SRGAP1: variants seen among roughly 807,000 people sequenced by gnomAD.
SRGAP1 encodes SLIT-ROBO Rho GTPase-activating protein 1.
Under a neutral mutation model 121.9 loss-of-function variants are expected in SRGAP1, and 43 were observed. The ratio of observed to expected loss-of-function variants is 0.35; its 90% CI spans 0.28 to 0.46. The LOEUF (loss-of-function observed/expected upper bound fraction) is 0.46, where lower values mean the gene tolerates loss of function less well. SRGAP1 is among the 20% of genes least tolerant of loss of function. The pLI is 1.00. For synonymous variants in SRGAP1, 447 were observed against 485.4 expected, an observed-to-expected ratio of 0.92 and a Z score of 1.04; for missense variants, 1,102 against 1,350.9, an observed-to-expected ratio of 0.82 and a Z score of 2.89.
At chr12:63,846,497 G>T (rs1898906641) in intron 1 of SRGAP1, among the ~76,000 whole-genome samples, 1 of 152,142 alleles carries the variant, frequency 6.6e-6, no homozygotes, top group Non-Finnish European at 1.5e-5. Context: ...TTGCTGTAAG[G>T]TCACTTGCCA....
chr12:63,955,608 A>G (rs2032440335), intron 1 of SRGAP1, among the ~76,000 whole-genome samples: 1 of 152,158 alleles, frequency 6.6e-6, no homozygotes, highest in African/African-American at 2.4e-5. Context: ...AACTGATAGA[A>G]AAGGAGTTAA....
intron 1 of SRGAP1, among the ~76,000 whole-genome samples, chr12:63,912,291 A>G (rs1177573276): frequency 6.6e-6 from 1 of 152,112 alleles, no homozygotes; most frequent in Non-Finnish European, 1.5e-5. Flanking sequence ...AGGGTAATTT[A>G]TTCAATGTCA....
rs1308156135 is a variant in SRGAP1, at chr12:64,153,584, C to T, written c.*10912C>T. ...ATCTATATTTTTAGAAGATGACCCTCAAAACCACAATGAGATATCACCTCA... is the reference window on the plus strand; with the variant it reads ...ATCTATATTTTTAGAAGATGACCCTTAAAACCACAATGAGATATCACCTCA... On this transcript the variant is annotated 3_prime_UTR_variant, in exon 22 of 22. Transcript: ENST00000355086. 1 of 152,024 alleles carries T rather than the reference C, an allele frequency of 6.6e-6. No homozygotes were observed. The highest frequency in any genetic ancestry group is 1.5e-5 in the Non-Finnish European group (1 of 68,026). The allele number at this position is 152,024 out of a possible 1,614,324, so 9.4% of individuals were successfully genotyped here. A position where few individuals can be genotyped will look rare whatever the true frequency, so the allele number is the denominator to read the frequency against.
chr12:64,022,948 A>G (rs2034580448), intron 4 of SRGAP1, among the ~76,000 whole-genome samples: 1 of 152,116 alleles, frequency 6.6e-6, no homozygotes, highest in South Asian at 2.1e-4. Flanking sequence ...GGTAAGAGGA[A>G]AAGTACAGCT....
intron 1 of SRGAP1, among the ~76,000 whole-genome samples, chr12:63,900,835 T>G (rs1184741934): frequency 6.6e-6 from 1 of 151,938 alleles, no homozygotes; most frequent in Non-Finnish European, 1.5e-5. Flanking sequence ...AACAAAGAAA[T>G]TATTGTTTAG....
At chr12:64,029,941 A>G (rs1565647615) in intron 4 of SRGAP1, among the ~76,000 whole-genome samples, 1 of 151,748 alleles carries the variant, frequency 6.6e-6, no homozygotes, top group Non-Finnish European at 1.5e-5. Context: ...AAATAAATAA[A>G]CAAAGCATTA....
At chr12:63,883,354 A>G (rs1381761583) in intron 1 of SRGAP1, among the ~76,000 whole-genome samples, 1 of 152,062 alleles carries the variant, frequency 6.6e-6, no homozygotes, top group Non-Finnish European at 1.5e-5. Flanking sequence ...TGATTTACCT[A>G]GGTAAGTCTT....
At chr12:63,960,376 C>A (rs78607337) in intron 1 of SRGAP1, among the ~76,000 whole-genome samples, 3 of 151,944 alleles carry the variant, frequency 2.0e-5, no homozygotes, top group African/African-American at 7.3e-5. Flanking sequence ...AGCTGGTTTT[C>A]GGCTTCTCTT....
At chr12:64,090,976 A>G (rs746174414) in intron 11 of SRGAP1, among the ~76,000 whole-genome samples, 3 of 152,230 alleles carry the variant, frequency 2.0e-5, no homozygotes, top group Non-Finnish European at 2.9e-5. Context: ...CTGGTTTGTA[A>G]CATTTGGCCA....
intron 1 of SRGAP1, among the ~76,000 whole-genome samples, chr12:63,846,683 C>T (rs780321944): frequency 1.3e-5 from 2 of 152,298 alleles, no homozygotes; most frequent in Non-Finnish European, 2.9e-5. Flanking sequence ...CACACACCCA[C>T]GAGTCCCTAG....
chr12:64,036,581 T>G (rs913299598), intron 4 of SRGAP1, among the ~76,000 whole-genome samples: 2 of 152,158 alleles, frequency 1.3e-5, no homozygotes, highest in African/African-American at 2.4e-5. Context: ...GTTTTTCATC[T>G]CCCTTCCCTG....
intron 1 of SRGAP1, among the ~76,000 whole-genome samples, chr12:63,852,601 C>T (rs980242628): frequency 3.9e-5 from 6 of 152,170 alleles, no homozygotes; most frequent in Non-Finnish European, 8.8e-5. Context: ...TGGGCTGCCA[C>T]GTATTTAAGA....
chr12:63,868,783 A>G (rs1395098664), intron 1 of SRGAP1, among the ~76,000 whole-genome samples: 2 of 152,190 alleles, frequency 1.3e-5, no homozygotes, highest in Non-Finnish European at 1.5e-5. Flanking sequence ...TTTAAGTGCT[A>G]TCAATAGTTC....
intron 1 of SRGAP1, 48 bp from the exon 2 acceptor site, chr12:63,983,899 C>T (rs748469233): frequency 1.1e-6 from 1 of 923,728 alleles, no homozygotes; most frequent in South Asian, 2.9e-5. Context: ...ACCAGCATAC[C>T]TCATTAATTT....
chr12:64,008,955 G>A (rs778386863), intron 3 of SRGAP1, among the ~76,000 whole-genome samples: 1 of 152,108 alleles, frequency 6.6e-6, no homozygotes, highest in Non-Finnish European at 1.5e-5. Context: ...CCAGCCACCT[G>A]AGTTGTAGAT....
rs540558054 is a variant in SRGAP1, at chr12:64,067,171, C to T, written c.1125+1952C>T. ...CTGTTTGTGTTACCTGTCTGGCCTC[C>T]GCAGGCCTTTGAGTTTGTGATCCTT... On this transcript the variant is annotated intron_variant, in intron 8 of 21. Coordinates refer to ENST00000355086, the MANE Select transcript of SRGAP1 (RefSeq NM_020762.4). Among the ~76,000 whole-genome samples the T allele has an allele frequency of 7.2e-5, 11 of 152,278 alleles. No individual in the cohort carries two copies. The South Asian group carries it at 1.5e-3, about 20-fold the overall frequency.
chr12:63,885,673 A>G (rs1900355364), intron 1 of SRGAP1, among the ~76,000 whole-genome samples: 1 of 152,198 alleles, frequency 6.6e-6, no homozygotes. Flanking sequence ...TTGACCCACA[A>G]TCAGGTTAGA....
intron 3 of SRGAP1, among the ~76,000 whole-genome samples, chr12:63,994,903 C>T (rs2033652221): frequency 6.6e-6 from 1 of 152,190 alleles, no homozygotes; most frequent in Non-Finnish European, 1.5e-5. Flanking sequence ...TTTGGTTCTG[C>T]AGCCAGAAAA....
Position 64,127,990 on chromosome 12 carries a change from C to A in SRGAP1, c.2670C>A (p.Ala890=), listed in dbSNP as rs912581165. The A allele has an allele frequency of 2.2e-5, 35 of 1,614,098 alleles. No individual in the cohort carries two copies. Among genetic ancestry groups the A allele is most frequent in the Non-Finnish European group, 3.0e-5 (35 of 1,180,058 alleles). ...TTGACCTAGGGTCCCCAAGCCTTGC[C>A]AGTCACCCCCGGGGCCTGCTGCAGA... ...SSVDLGSPSL[A]SHPRGLLQNR... The change falls in exon 21 of 22, where the codon GCC becomes GCA. Residue 890 remains alanine, a synonymous_variant. Transcript: ENST00000355086.
Sources: gnomAD v4.1 joint callset for allele counts (sites outside exome capture counted in the v4.1 genomes callset) on GRCh38, gnomAD v4.1.1 for gene constraint, MANE v1.5 for transcripts, NCBI Gene and HGNC (gene_info 2026-07-23, HGNC 2026-07-21) for gene names.